RANBP2: variants seen among roughly 807,000 people sequenced by gnomAD.
RANBP2 encodes the protein RAN binding protein 2.
Under a neutral mutation model 303.6 loss-of-function variants are expected in RANBP2, and 57 were observed. The observed-to-expected ratio is 0.19, with a 90% CI of 0.15 to 0.23. RANBP2 has a LOEUF of 0.23. RANBP2 is among the 10% of genes least tolerant of loss of function. The pLI is 1.00. For missense variants in RANBP2, 3,138 were observed against 3,780.8 expected (o/e 0.83, Z 4.46); for synonymous variants, 1,167 against 1,301.5 (o/e 0.90, Z 2.23).
the RANBP2 span, among the ~76,000 whole-genome samples, chr2:109,657,439 C>A: frequency 2.6e-5 from 4 of 152,038 alleles, no homozygotes; most frequent in Admixed American, 2.6e-4. Context: ...CGGAGTGAGA[C>A]CCTGTCTCAA....
the RANBP2 span, among the ~76,000 whole-genome samples, chr2:109,123,048 A>G: frequency 2.0e-5 from 3 of 152,200 alleles, no homozygotes; most frequent in Non-Finnish European, 2.9e-5. Flanking sequence ...TGCCTGGTGG[A>G]CGATGTAGCC....
the RANBP2 span, among the ~76,000 whole-genome samples, chr2:108,860,935 C>CTT: frequency 0.041 from 1,549 of 37,796 alleles, 235 homozygotes; most frequent in African/African-American, 0.11. Context: ...TGGTCCAGGA[C>CTT]TTTTTTTTTT....
chr2:109,419,693 C>A, the RANBP2 span: 1 of 1,511,586 alleles, frequency 6.6e-7, no homozygotes, highest in South Asian at 1.2e-5. Context: ...GCCCTCCCTC[C>A]TGCCTGGGCT....
the RANBP2 span, among the ~76,000 whole-genome samples, chr2:109,629,302 GATATATATATATATATATATATATAT>G: frequency 1.6e-3 from 124 of 77,666 alleles, 2 homozygotes; most frequent in East Asian, 3.6e-3. Flanking sequence ...CTGGCCTAAA[GATATATATATATATATATATATATAT>G]ATATATATAT....
chr2:109,715,037 G>A, the RANBP2 span, among the ~76,000 whole-genome samples: 1 of 151,848 alleles, frequency 6.6e-6, no homozygotes, highest in Non-Finnish European at 1.5e-5. Context: ...TAGTGTGATC[G>A]GCTCATTGCA....
the RANBP2 span, among the ~76,000 whole-genome samples, chr2:109,243,560 A>G: frequency 6.6e-6 from 1 of 152,218 alleles, no homozygotes; most frequent in East Asian, 1.9e-4. Context: ...ATGGGAACCT[A>G]TAATGGAGAA....
chr2:108,939,609 C>T, the RANBP2 span, among the ~76,000 whole-genome samples: 2 of 151,986 alleles, frequency 1.3e-5, no homozygotes, highest in Non-Finnish European at 2.9e-5. Context: ...GAACATGTCC[C>T]GTTAGGAAGT....
chr2:109,284,609 G>A, the RANBP2 span, among the ~76,000 whole-genome samples: 2 of 152,332 alleles, frequency 1.3e-5, no homozygotes, highest in African/African-American at 4.8e-5. Flanking sequence ...GCATAGAGTG[G>A]CATCTAGAAG....
At chr2:109,645,356 C>T in the RANBP2 span, among the ~76,000 whole-genome samples, 1 of 152,362 alleles carries the variant, frequency 6.6e-6, no homozygotes, top group Admixed American at 6.5e-5. Flanking sequence ...AGTGGGCACC[C>T]AGCCCCTTCT....
chr2:108,989,818 G>A, the RANBP2 span, among the ~76,000 whole-genome samples: 2 of 151,760 alleles, frequency 1.3e-5, no homozygotes, highest in African/African-American at 2.4e-5. Flanking sequence ...AAATGATTGG[G>A]GGGGGGAAAA....
the RANBP2 span, among the ~76,000 whole-genome samples, chr2:109,242,813 C>A: frequency 6.6e-6 from 1 of 152,168 alleles, no homozygotes; most frequent in Non-Finnish European, 1.5e-5. Flanking sequence ...TGGGGACCCT[C>A]ACTCTGTGGC....
At chr2:108,768,979 A>G (rs1466079507) in intron 20 of RANBP2, among the ~76,000 whole-genome samples, 1 of 151,880 alleles carries the variant, frequency 6.6e-6, no homozygotes, top group Non-Finnish European at 1.5e-5. Flanking sequence ...GGTAGCAGTG[A>G]GCTGAAATCA....
chr2:108,842,440 A>C, the RANBP2 span, among the ~76,000 whole-genome samples: 3 of 152,262 alleles, frequency 2.0e-5, no homozygotes, highest in East Asian at 1.9e-4. Flanking sequence ...AGAGAGCGAG[A>C]GAGAGAGAAA....
chr2:109,427,562 G>T, the RANBP2 span, among the ~76,000 whole-genome samples: 12 of 152,182 alleles, frequency 7.9e-5, no homozygotes, highest in Non-Finnish European at 1.2e-4. Context: ...GGTGAGGCCA[G>T]TACCACTGGC....
chr2:109,612,603 CAT>C, the RANBP2 span, among the ~76,000 whole-genome samples: 1 of 152,202 alleles, frequency 6.6e-6, no homozygotes, highest in Non-Finnish European at 1.5e-5. Flanking sequence ...ATAAATCTAA[CAT>C]CAGCTAAATG....
At chr2:109,224,906 A>G in the RANBP2 span, among the ~76,000 whole-genome samples, 1 of 152,238 alleles carries the variant, frequency 6.6e-6, no homozygotes, top group Non-Finnish European at 1.5e-5. Flanking sequence ...TGAAATTTAA[A>G]TAATTACCTG....
At chr2:108,820,088 A>AAG in the RANBP2 span, among the ~76,000 whole-genome samples, 3 of 152,200 alleles carry the variant, frequency 2.0e-5, no homozygotes, top group Non-Finnish European at 4.4e-5. Flanking sequence ...AGAAGACATC[A>AAG]ACACACTTGA....
the RANBP2 span, chr2:108,894,565 C>CT: frequency 7.2e-5 from 11 of 152,532 alleles, no homozygotes; most frequent in Non-Finnish European, 1.6e-4. Flanking sequence ...ACTTCACTGT[C>CT]TAAGGGCCAC....
the RANBP2 span, among the ~76,000 whole-genome samples, chr2:109,317,526 G>C: frequency 2.0e-5 from 3 of 152,162 alleles, no homozygotes; most frequent in Non-Finnish European, 1.5e-5. Flanking sequence ...GCAGGGACTT[G>C]GTTCTAGGTC....
Sources: allele counts gnomAD v4.1 joint callset (sites outside exome capture counted in the v4.1 genomes callset), GRCh38; gene constraint gnomAD v4.1.1; transcripts MANE v1.5; gene names NCBI Gene and HGNC (gene_info 2026-07-23, HGNC 2026-07-21).